The following TTC7B variants were observed in gnomAD, a reference collection of about 807,000 sequenced individuals.
The protein encoded by TTC7B is tetratricopeptide repeat protein 7B.
In TTC7B, 28 loss-of-function variants were observed where a neutral mutation model predicts 106.8. That is an observed-to-expected ratio of 0.26 (90% CI 0.19 to 0.36). The LOEUF (loss-of-function observed/expected upper bound fraction) is 0.36, where lower values mean the gene tolerates loss of function less well. TTC7B is among the 10% of genes least tolerant of loss of function. TTC7B has a pLI of 1.00. For synonymous variants in TTC7B, 405 were observed against 430.6 expected (o/e 0.94, Z 0.74); for missense variants, 862 against 1,076.4 (o/e 0.80, Z 2.79).
intron 17 of TTC7B, 43 bp from the exon 18 acceptor site, chr14:90,593,669 C>T (rs1384043615): frequency 7.2e-6 from 11 of 1,519,352 alleles, no homozygotes; most frequent in Non-Finnish European, 9.8e-6. Context: ...AGCGAAAGAA[C>T]AGACCCAACC....
intron 1 of TTC7B, among the ~76,000 whole-genome samples, chr14:90,806,028 A>G (rs1444910228): frequency 6.6e-6 from 1 of 152,268 alleles, no homozygotes; most frequent in African/African-American, 2.4e-5. Flanking sequence ...TCCTGGAAGT[A>G]CTTGACACGA....
chr14:90,609,110 G>A (rs543297310), intron 17 of TTC7B, among the ~76,000 whole-genome samples: 8 of 152,176 alleles, frequency 5.3e-5, no homozygotes, highest in Admixed American at 3.3e-4. Flanking sequence ...CAGGTCCCTC[G>A]GCAGGAGCTG....
At chr14:90,602,165 G>C (rs1415790199) in intron 17 of TTC7B, 1 of 456,064 alleles carries the variant, frequency 2.2e-6, no homozygotes, top group South Asian at 1.5e-5. Flanking sequence ...ATATCCACCA[G>C]CATTTCCCCA....
rs183435850 is a variant in TTC7B, at chr14:90,553,853, G to C, written c.2311-12264C>G. 2.0e-5 allele frequency among the ~76,000 whole-genome samples: 3 copies of C among 152,344 alleles called. No individual in the cohort carries two copies. The South Asian group carries it at 6.2e-4, about 32-fold the overall frequency. On this transcript the variant is annotated intron_variant, in intron 19 of 19. Transcript: ENST00000328459. Reference sequence around the variant, plus strand: ...TTAAGCCCCAGGAAAATATGAGCACGGCTTTGACTTTTGTCTTCTTTTTAA... The same window carrying C: ...TTAAGCCCCAGGAAAATATGAGCACCGCTTTGACTTTTGTCTTCTTTTTAA...
chr14:90,621,475 G>A (rs932119519), intron 15 of TTC7B, among the ~76,000 whole-genome samples: 3 of 151,834 alleles, frequency 2.0e-5, no homozygotes, highest in Non-Finnish European at 4.4e-5. Flanking sequence ...GAAGCCATGC[G>A]GGTATGGCTG....
intron 9 of TTC7B, among the ~76,000 whole-genome samples, chr14:90,664,126 G>A (rs563897027): frequency 6.6e-6 from 1 of 152,230 alleles, no homozygotes; most frequent in East Asian, 1.9e-4. Flanking sequence ...TCGCCCCTTA[G>A]GCTGTTTGCT....
At chr14:90,734,343 C>G (rs781384652) in intron 4 of TTC7B, among the ~76,000 whole-genome samples, 1 of 151,332 alleles carries the variant, frequency 6.6e-6, no homozygotes, top group Non-Finnish European at 1.5e-5. Flanking sequence ...TTGCTTGAAC[C>G]TGGGAGGCGG....
At chr14:90,610,503 GC>G (rs1298785581) in intron 17 of TTC7B, among the ~76,000 whole-genome samples, 2 of 152,180 alleles carry the variant, frequency 1.3e-5, no homozygotes, top group Non-Finnish European at 2.9e-5. Flanking sequence ...AGTTCCAAGA[GC>G]AAAGGGGGAA....
intron 6 of TTC7B, among the ~76,000 whole-genome samples, chr14:90,692,000 A>T (rs142178042): frequency 6.6e-6 from 1 of 152,226 alleles, no homozygotes; most frequent in Admixed American, 6.5e-5. Context: ...GTTACTTAGC[A>T]TAAAGTTTTC....
chr14:90,780,303 C>T (rs1891166656), intron 3 of TTC7B, among the ~76,000 whole-genome samples: 1 of 151,810 alleles, frequency 6.6e-6, no homozygotes, highest in South Asian at 2.1e-4. Context: ...ATCACTTAAA[C>T]CTGGGAGGCG....
chr14:90,586,222 T>G (rs942824902), intron 18 of TTC7B, among the ~76,000 whole-genome samples: 2 of 152,204 alleles, frequency 1.3e-5, no homozygotes, highest in African/African-American at 4.8e-5. Context: ...TCCTCCCGCC[T>G]TGCCGACCAC....
At chr14:90,593,710 G>A in intron 17 of TTC7B, 84 bp from the exon 18 acceptor site, 1 of 1,307,126 alleles carries the variant, frequency 7.7e-7, no homozygotes, top group Non-Finnish European at 1.0e-6. Context: ...GACAAGCGCG[G>A]AACACACACA....
intron 9 of TTC7B, among the ~76,000 whole-genome samples, chr14:90,660,102 C>T (rs937650661): frequency 2.2e-4 from 34 of 151,876 alleles, no homozygotes; most frequent in South Asian, 8.4e-4. Context: ...AGAACAGAGG[C>T]GGCTGGGCGC....
intron 3 of TTC7B, among the ~76,000 whole-genome samples, chr14:90,751,099 C>G (rs567229029): frequency 2.6e-5 from 4 of 152,080 alleles, no homozygotes; most frequent in Admixed American, 6.5e-5. Flanking sequence ...ACATGCCTGA[C>G]AAAAATAAGT....
Position 90,657,210 on chromosome 14 carries a change from G to A in TTC7B, c.1305C>T (p.Leu435=). The A allele has an allele frequency of 6.2e-7, 1 of 1,614,164 alleles. No individual in the cohort carries two copies. Among genetic ancestry groups the A allele is most frequent in the Non-Finnish European group, 8.5e-7 (1 of 1,180,034 alleles). The change falls in exon 11 of 20, where the codon CTC becomes CTT. Residue 435 remains leucine (L), a synonymous_variant. Coordinates refer to ENST00000328459, the MANE Select transcript of TTC7B (RefSeq NM_001010854.2). This position sits in a 1 kb window ranked among gnomAD's most constrained non-coding sequence, Gnocchi z 4.2. ...RLKPDDATIP[L]LAAKLCMGSL... ...AGCCCATGCAGAGCTTGGCAGCGAG[G>A]AGAGGGATGGTGGCATCGTCTGGCT...
chr14:90,745,872 T>A (rs1297801970), intron 3 of TTC7B, among the ~76,000 whole-genome samples: 1 of 145,640 alleles, frequency 6.9e-6, no homozygotes, highest in South Asian at 2.2e-4. Flanking sequence ...ACCTGGCCAA[T>A]TTTTTTTTTT....
chr14:90,706,161 ATTT>A (rs59137630), intron 5 of TTC7B, among the ~76,000 whole-genome samples: 58 of 128,450 alleles, frequency 4.5e-4, no homozygotes, highest in African/African-American at 1.0e-3. Flanking sequence ...AGCTGGAATA[ATTT>A]TTTTTTTTTT....
chr14:90,682,020 C>T (rs866402204), intron 7 of TTC7B, among the ~76,000 whole-genome samples: 68 of 151,918 alleles, frequency 4.5e-4, no homozygotes, highest in Middle Eastern at 3.2e-3. Flanking sequence ...TATGTGTGCA[C>T]GCACACACCC....
chr14:90,667,514 C>T (rs1886458551), intron 9 of TTC7B, among the ~76,000 whole-genome samples: 1 of 152,072 alleles, frequency 6.6e-6, no homozygotes, highest in Non-Finnish European at 1.5e-5. Flanking sequence ...AAATGTTATC[C>T]CCTACCCCCG....
Sources: allele counts gnomAD v4.1 joint callset (sites outside exome capture counted in the v4.1 genomes callset), GRCh38; gene constraint gnomAD v4.1.1; non-coding constraint Gnocchi (gnomAD v3.1); transcripts MANE v1.5; gene names NCBI Gene and HGNC (gene_info 2026-07-23, HGNC 2026-07-21).